The following SCLT1 variants were observed in gnomAD, a reference collection of about 807,000 sequenced individuals.
SCLT1 encodes sodium channel and clathrin linker 1.
In SCLT1, 78 loss-of-function variants were observed where a neutral mutation model predicts 112.8. That is an observed-to-expected ratio of 0.69 (90% confidence interval 0.58 to 0.83). The LOEUF (loss-of-function observed/expected upper bound fraction) is 0.83. SCLT1 is among the 40% of genes least tolerant of loss of function. SCLT1 has a pLI of 0.00. For missense variants in SCLT1, 747 were observed against 770.4 expected, an observed-to-expected ratio of 0.97 and a Z score of 0.36; for synonymous variants, 257 against 254.7, an observed-to-expected ratio of 1.01 and a Z score of -0.09.
rs561539986 is a variant in SCLT1, at chr4:129,079,161, C to T, written c.102+3145G>A. Reference sequence around the variant, plus strand: ...GCAGGGACACAAATCCAAAGTGTGTCACTCCACCCTCGGCCCTTCCCAAAT... The same window carrying T: ...GCAGGGACACAAATCCAAAGTGTGTTACTCCACCCTCGGCCCTTCCCAAAT... On this transcript the variant is annotated intron_variant, in intron 2 of 20. Coordinates refer to ENST00000281142, the MANE Select transcript of SCLT1 (RefSeq NM_144643.4). Among the ~76,000 whole-genome samples the T allele has an allele frequency of 3.1e-4, 47 of 152,256 alleles. No individual in the cohort carries two copies. In the South Asian group the frequency reaches 3.5e-3, roughly 11 times the overall value.
chr4:128,916,330 T>G (rs1735470384), intron 18 of SCLT1, among the ~76,000 whole-genome samples: 1 of 152,250 alleles, frequency 6.6e-6, no homozygotes, highest in South Asian at 2.1e-4. Context: ...ATAGTCTACA[T>G]GTTATTTTTA....
chr4:128,945,210 C>T (rs1004733893), intron 16 of SCLT1, among the ~76,000 whole-genome samples: 3 of 152,122 alleles, frequency 2.0e-5, no homozygotes, highest in African/African-American at 7.2e-5. Flanking sequence ...TTATTCAATA[C>T]TCCTCCCTTA....
chr4:128,988,316 T>C (rs577062969), intron 9 of SCLT1, among the ~76,000 whole-genome samples: 10 of 152,138 alleles, frequency 6.6e-5, no homozygotes, highest in South Asian at 2.1e-4. Context: ...TATATGTAAA[T>C]AGAGACAACA....
At chr4:128,978,530 G>A (rs1447998187) in intron 9 of SCLT1, among the ~76,000 whole-genome samples, 1 of 151,912 alleles carries the variant, frequency 6.6e-6, no homozygotes, top group African/African-American at 2.4e-5. Context: ...GTTTAAGAAA[G>A]GTAGAAAAAA....
chr4:128,878,295 C>A (rs1165285681), intron 3 of SCLT1, among the ~76,000 whole-genome samples: 1 of 152,122 alleles, frequency 6.6e-6, no homozygotes, highest in Non-Finnish European at 1.5e-5. Flanking sequence ...TTATATATGG[C>A]CGAGTTTTAC....
At position 128,943,008 on chromosome 4, in the gene SCLT1, T is replaced by C. The variant is rs770546298; in HGVS notation, c.1620A>G (p.Lys540=). ...LRKIALEAQK[K]AKVKISTMEH... ...GTCTTGAAAATACCTTTACTTTGGC[T>C]TTTTTTTGAGCCTCCAGGGCAATCT... The change falls in exon 17 of 21, where the codon AAA becomes AAG. Residue 540 remains lysine, a synonymous_variant. Coordinates refer to ENST00000281142, the MANE Select transcript of SCLT1 (RefSeq NM_144643.4). 4 of 1,582,374 alleles carry C rather than the reference T, an allele frequency of 2.5e-6. No individual in the cohort carries two copies. Among genetic ancestry groups the C allele is most frequent in the Non-Finnish European group, 3.4e-6 (4 of 1,160,634 alleles).
At chr4:129,058,396 T>C (rs921526597) in intron 2 of SCLT1, among the ~76,000 whole-genome samples, 3 of 152,200 alleles carry the variant, frequency 2.0e-5, no homozygotes, top group Non-Finnish European at 4.4e-5. Flanking sequence ...TCCCATTGTT[T>C]TTGGTATACT....
intron 1 of SCLT1, among the ~76,000 whole-genome samples, chr4:129,089,409 T>C (rs113881920): frequency 0.014 from 2,191 of 152,306 alleles, 48 homozygotes; most frequent in African/African-American, 0.044. Context: ...TTTTACACCG[T>C]TGGTGGGAGT....
chr4:128,971,263 G>A (rs576710418), intron 9 of SCLT1: 13 of 152,216 alleles, frequency 8.5e-5, no homozygotes, highest in African/African-American at 3.1e-4. Flanking sequence ...TACATTTTAT[G>A]TATGTATCTA....
chr4:129,035,296 G>A (rs1261635097), intron 5 of SCLT1, among the ~76,000 whole-genome samples: 5 of 152,102 alleles, frequency 3.3e-5, no homozygotes, highest in Admixed American at 2.0e-4. Context: ...CAGGAAAAGG[G>A]GAAGGCTTTC....
At chr4:128,965,589 T>C (rs1399104164) in intron 10 of SCLT1, among the ~76,000 whole-genome samples, 5 of 152,210 alleles carry the variant, frequency 3.3e-5, no homozygotes, top group Non-Finnish European at 5.9e-5. Context: ...ATTTCTATAG[T>C]ACAAGTCTAA....
At chr4:128,873,255 G>GGAAAAAAAAAAAAAAAAAAAAA (rs1732323890) in intron 5 of SCLT1, 1 of 22,222 alleles carries the variant, frequency 4.5e-5, no homozygotes, top group Non-Finnish European at 1.0e-4. Flanking sequence ...TTAAGAAAAA[G>GGAAAAAAAAAAAAAAAAAAAAA]GAAAAAAAAA....
intron 18 of SCLT1, among the ~76,000 whole-genome samples, chr4:128,934,870 T>G (rs1392673880): frequency 6.6e-6 from 1 of 151,934 alleles, no homozygotes; most frequent in East Asian, 1.9e-4. Flanking sequence ...ATAGTGAACT[T>G]CTTTGACATC....
At chr4:129,069,151 G>T (rs932175578) in intron 2 of SCLT1, among the ~76,000 whole-genome samples, 2 of 152,158 alleles carry the variant, frequency 1.3e-5, no homozygotes, top group Admixed American at 1.3e-4. Flanking sequence ...TTTTATACCA[G>T]TACCATGCTG....
At chr4:128,895,431 A>G (rs1733663749) in intron 18 of SCLT1, among the ~76,000 whole-genome samples, 1 of 152,136 alleles carries the variant, frequency 6.6e-6, no homozygotes, top group Non-Finnish European at 1.5e-5. Flanking sequence ...TTGGGCTCTC[A>G]CTGTCTCGAA....
chr4:129,064,286 C>G (rs1277629212), intron 2 of SCLT1, among the ~76,000 whole-genome samples: 1 of 152,100 alleles, frequency 6.6e-6, no homozygotes, highest in Non-Finnish European at 1.5e-5. Flanking sequence ...TTTATTCATC[C>G]TCCTGTAACA....
At chr4:128,904,663 CGA>C (rs1379395389) in intron 18 of SCLT1, among the ~76,000 whole-genome samples, 2 of 151,960 alleles carry the variant, frequency 1.3e-5, no homozygotes, top group East Asian at 1.9e-4. Context: ...CAATCAATTA[CGA>C]GAGATGTTAG....
intron 4 of SCLT1, among the ~76,000 whole-genome samples, chr4:128,876,038 A>G (rs188234010): frequency 1.3e-5 from 2 of 152,262 alleles, no homozygotes; most frequent in African/African-American, 4.8e-5. Context: ...GCCTGAAACA[A>G]TCTTTTGTAC....
chr4:128,917,290 C>T (rs1345520753), intron 18 of SCLT1, among the ~76,000 whole-genome samples: 2 of 152,080 alleles, frequency 1.3e-5, no homozygotes, highest in East Asian at 1.9e-4. Flanking sequence ...TGCATCTGGC[C>T]TCACCATCTC....
Sources: allele counts gnomAD v4.1 joint callset (sites outside exome capture counted in the v4.1 genomes callset), GRCh38; gene constraint gnomAD v4.1.1; transcripts MANE v1.5; gene names NCBI Gene and HGNC (gene_info 2026-07-23, HGNC 2026-07-21).